MIP: variants seen among roughly 807,000 people sequenced by gnomAD.
MIP encodes major intrinsic protein of lens fiber.
In MIP, 14 loss-of-function variants were observed where a neutral mutation model predicts 21.8. The ratio of observed to expected loss-of-function variants is 0.64; its 90% confidence interval spans 0.42 to 1.00. The LOEUF (loss-of-function observed/expected upper bound fraction) is 1.00, where lower values mean the gene tolerates loss of function less well. MIP is among the 50% of genes least tolerant of loss of function. The pLI, the probability that MIP is intolerant of heterozygous loss-of-function variation, is 0.00. For synonymous variants in MIP, 133 were observed against 141.4 expected, an observed-to-expected ratio of 0.94 and a Z score of 0.42; for missense variants, 260 against 333.5, an observed-to-expected ratio of 0.78 and a Z score of 1.72.
rs2136163440 is a variant in MIP at position 56,450,389 on chromosome 12, T to TA, written c.*890dup. On this transcript the variant is annotated 3_prime_UTR_variant, in exon 4 of 4. Transcript: ENST00000652304. ...GGCCTTAGGGAACAATTGTGGGGCT[T>TA]AAATACCATCTGCCAGGCAGCCACA... 6.6e-6 allele frequency: 1 copy of TA among 152,342 alleles called. No individual in the cohort carries two copies. The highest frequency in any genetic ancestry group is 1.9e-4 in the East Asian group (1 of 5,186). 9.4% of individuals were successfully genotyped at this position (152,342 alleles called of 1,614,324 possible). A position where few individuals can be genotyped will look rare whatever the true frequency, so the allele number is the denominator to read the frequency against.
chr12:56,451,163 G>T lies in MIP; in HGVS notation c.*117C>A. On this transcript the variant is annotated 3_prime_UTR_variant, in exon 4 of 4. Coordinates refer to ENST00000652304, the MANE Select transcript of MIP (RefSeq NM_012064.4). ...AAAAAAAAAACAACCACATACATAAGTTAAAAAATAAAGAAGTACATGACC... is the reference window on the plus strand; with the variant it reads ...AAAAAAAAAACAACCACATACATAATTTAAAAAATAAAGAAGTACATGACC... The T allele has an allele frequency of 3.7e-6, 3 of 810,826 alleles. No homozygotes were observed. The highest frequency in any genetic ancestry group is 6.0e-6 in the Non-Finnish European group (3 of 500,964). The allele number at this position is 810,826 out of a possible 1,614,324, so 50.2% of individuals were successfully genotyped here. A position where few individuals can be genotyped will look rare whatever the true frequency, so the allele number is the denominator to read the frequency against.
At chr12:56,454,763 G>A, upstream of MIP, 2 of 882,232 alleles carry the variant, frequency 2.3e-6, 1 homozygote, top group South Asian at 3.5e-5. Flanking sequence ...AGCTGTGGAG[G>A]GCTAAGTCCC....
At chr12:56,455,936 A>C (rs1868779101), upstream of MIP, among the ~76,000 whole-genome samples, 1 of 152,186 alleles carries the variant, frequency 6.6e-6, no homozygotes, top group South Asian at 2.1e-4. Context: ...TCTCCTCATA[A>C]TACCCAGCTT....
At chr12:56,453,453 T>C in intron 2 of MIP, 138 bp downstream of exon 2, 1 of 970,952 alleles carries the variant, frequency 1.0e-6, no homozygotes, top group Non-Finnish European at 1.6e-6. Flanking sequence ...GCAGAGTTGA[T>C]TCCTTTGTGC....
rs1208049630 is a variant in MIP, at chr12:56,449,723, C to T, written c.*1557G>A. ...GAGCTGAAGTACAGGGAGGAATGGT[C>T]TTCTGGGATAGGGGATGTCCGTTGT... On this transcript the variant is annotated 3_prime_UTR_variant, in exon 4 of 4. Transcript: ENST00000652304. The T allele has an allele frequency of 6.6e-6, 1 of 152,112 alleles. No individual in the cohort carries two copies. The highest frequency in any genetic ancestry group is 1.5e-5 in the Non-Finnish European group (1 of 68,022). 9.4% of individuals were successfully genotyped at this position (152,112 alleles called of 1,614,324 possible).
At chr12:56,452,198 A>C (rs1380410731) in intron 3 of MIP, among the ~76,000 whole-genome samples, 1 of 152,090 alleles carries the variant, frequency 6.6e-6, no homozygotes, top group African/African-American at 2.4e-5. Flanking sequence ...CCCCACCCCC[A>C]TCAGCCCCTG....
chr12:56,455,262 G>A (rs1368048720), upstream of MIP, among the ~76,000 whole-genome samples: 1 of 152,066 alleles, frequency 6.6e-6, no homozygotes, highest in Non-Finnish European at 1.5e-5. Flanking sequence ...CTCTGAGCCC[G>A]GGTTCCCTAC....
Position 56,453,695 on chromosome 12 carries a change from A to G in MIP, c.421T>C (p.Phe141Leu). The change falls in exon 2 of 4, where the codon TTC (phenylalanine) becomes CTC (leucine). Residue 141 changes from phenylalanine to leucine, a missense_variant. Phe to Leu is a conservative substitution (Grantham distance 22, BLOSUM62 0). Coordinates refer to ENST00000652304, the MANE Select transcript of MIP (RefSeq NM_012064.4). ...TTVEIFLTLQ[F>L]VLCIFATYDE... ...TATGTGGCAAAGATGCAGAGCACGAACTGGAGCGTCAGGAAGATCTCCACT... is the reference window on the plus strand; with the variant it reads ...TATGTGGCAAAGATGCAGAGCACGAGCTGGAGCGTCAGGAAGATCTCCACT... The G allele has an allele frequency of 6.2e-7, 1 of 1,614,172 alleles. No individual in the cohort carries two copies. The highest frequency in any genetic ancestry group is 8.5e-7 in the Non-Finnish European group (1 of 1,180,032).
At chr12:56,455,212 T>C (rs1197333722), upstream of MIP, among the ~76,000 whole-genome samples, 1 of 152,128 alleles carries the variant, frequency 6.6e-6, no homozygotes, top group Non-Finnish European at 1.5e-5. Context: ...CTGTGGACCC[T>C]GCAGCTCTGG....
intron 3 of MIP, 144 bp downstream of exon 3, chr12:56,452,928 T>A: frequency 1.4e-6 from 1 of 725,170 alleles, no homozygotes; most frequent in Non-Finnish European, 2.5e-6. Context: ...CACACAGGCA[T>A]GCCAAACTCT....
rs930604377 is a variant in MIP at position 56,451,146 on chromosome 12, AAC to A, written c.*132_*133del. 54 of 727,430 alleles carry A rather than the reference AAC, an allele frequency of 7.4e-5. No individual in the cohort carries two copies. The highest frequency in any genetic ancestry group is 3.0e-4 in the South Asian group (17 of 55,760). 45.1% of individuals were successfully genotyped at this position (727,430 alleles called of 1,614,324 possible). ...ACAGCAAAAGGAAAAAAAAAAAAAA[AAC>A]AACCACATACATAAGTTAAAAAATA... On this transcript the variant is annotated 3_prime_UTR_variant, in exon 4 of 4. Transcript: ENST00000652304.
Position 56,454,295 on chromosome 12 carries a change from C to T in MIP, c.319G>A (p.Val107Ile), listed in dbSNP as rs74641138. 0.027 allele frequency: 42,952 copies of T among 1,614,060 alleles called. 682 individuals are homozygous for T. Among genetic ancestry groups the T allele is most frequent in the East Asian group, 0.053 (2,391 of 44,882 alleles). ...TTTCCTCGGACAGCAGGTGGGGTAA[C>T]GCTATACAGCACAGCGGCCCCAGCC... ...AVAGAAVLYS[V>I]TPPAVRGNLA... Residue 107 changes from valine (V) to isoleucine (I), a missense_variant, in exon 1 of 4, where the codon GTT (valine) becomes ATT (isoleucine). Transcript: ENST00000652304.
At chr12:56,454,782 C>T (rs1868745108), upstream of MIP, 5 of 742,612 alleles carry the variant, frequency 6.7e-6, no homozygotes, top group Non-Finnish European at 6.4e-6. Flanking sequence ...CCCTCCCCTA[C>T]ATGGTAAAAA....
At chr12:56,455,328 A>G (rs1868760865), upstream of MIP, among the ~76,000 whole-genome samples, 1 of 152,032 alleles carries the variant, frequency 6.6e-6, no homozygotes, top group East Asian at 1.9e-4. Context: ...TTTTTAAACT[A>G]CAGGGACCGA....
rs1281518643 is a variant in MIP at position 56,450,694 on chromosome 12, C to G, written c.*586G>C. On this transcript the variant is annotated 3_prime_UTR_variant, in exon 4 of 4. Coordinates refer to ENST00000652304, the MANE Select transcript of MIP (RefSeq NM_012064.4). ...CTATATATTCCCATTAACTTCCCCC[C>G]AATTCTTCGGTACACCTACATCCTG... 1.3e-5 allele frequency: 2 copies of G among 154,006 alleles called. No homozygotes were observed. The highest frequency in any genetic ancestry group is 3.8e-4 in the East Asian group (2 of 5,204). The allele number at this position is 154,006 out of a possible 1,614,324, so 9.5% of individuals were successfully genotyped here.
chr12:56,454,697 T>C (rs2269348), upstream of MIP: 680,413 of 1,576,206 alleles, frequency 0.43, 151,506 homozygotes, highest in East Asian at 0.6. Context: ...TAGAGGACTC[T>C]TAATCCCTGG....
chr12:56,454,564 A>G lies in MIP; in HGVS notation c.50T>C (p.Phe17Ser), dbSNP rs1868736364. 6.2e-7 allele frequency: 1 copy of G among 1,613,984 alleles called. No individual in the cohort carries two copies. Among genetic ancestry groups the G allele is most frequent in the African/African-American group, 1.3e-5 (1 of 74,938 alleles). ...ASFWRAIFAEFFATLFYVFFG... is the reference protein window; with the variant it reads ...ASFWRAIFAESFATLFYVFFG... ...GAAGACATAGAAGAGGGTGGCAAAG[A>G]ACTCAGCGAATATGGCCCTCCAAAA... is the stretch of plus-strand genomic sequence containing the variant. Residue 17 changes from phenylalanine (F) to serine (S), a missense_variant, in exon 1 of 4, where the codon TTC becomes TCC. Physicochemically the swap from Phe to Ser is radical, Grantham distance 155. Transcript: ENST00000652304.
chr12:56,453,227 CCT>C lies in MIP; in HGVS notation c.526-77_526-76del, dbSNP rs1868676471. The C allele has an allele frequency of 7.3e-5, 79 of 1,081,466 alleles. No homozygotes were observed. The South Asian group carries it at 1.0e-3, about 14-fold the overall frequency. 67.0% of individuals were successfully genotyped at this position (1,081,466 alleles called of 1,614,324 possible). ...TTCTCTCCCCACAACCCACATTGCC[CCT>C]GAGAGCTGCCATCTTTTCTCCAGCC... is the stretch of plus-strand genomic sequence containing the variant. On this transcript the variant is annotated intron_variant, in intron 2 of 3. Transcript: ENST00000652304.
At chr12:56,454,667 TG>T, upstream of MIP, 1 of 1,610,956 alleles carries the variant, frequency 6.2e-7, no homozygotes, top group Non-Finnish European at 8.5e-7. Flanking sequence ...TGGCCTTGTC[TG>T]GGTGGACAGT....
Sources: gnomAD v4.1 joint callset for allele counts (sites outside exome capture counted in the v4.1 genomes callset) on GRCh38, gnomAD v4.1.1 for gene constraint, MANE v1.5 for transcripts, NCBI Gene and HGNC (gene_info 2026-07-23, HGNC 2026-07-21) for gene names.